FAXC: variants seen among roughly 807,000 people sequenced by gnomAD.
FAXC encodes the protein failed axon connections homolog, metaxin like GST domain containing.
A neutral mutation model predicts 41.9 loss-of-function variants in FAXC; 10 were observed. The observed-to-expected ratio is 0.24, with a 90% CI of 0.15 to 0.41. The LOEUF is 0.41. Among genes scored for constraint, FAXC ranks in the 10% least tolerant of loss-of-function variants. FAXC has a pLI of 1.00. For missense variants in FAXC, 399 were observed against 510.9 expected, an observed-to-expected ratio of 0.78 and a Z score of 2.11; for synonymous variants, 183 against 183.8, an observed-to-expected ratio of 1.00 and a Z score of 0.03.
intron 2 of FAXC, among the ~76,000 whole-genome samples, chr6:99,334,308 G>T (rs1402944499): frequency 6.6e-6 from 1 of 152,134 alleles, no homozygotes; most frequent in Non-Finnish European, 1.5e-5. Flanking sequence ...AATAACTATT[G>T]GGGATGTTAT....
intron 4 of FAXC, among the ~76,000 whole-genome samples, chr6:99,302,928 T>A (rs1347176432): frequency 1.3e-5 from 2 of 152,102 alleles, no homozygotes; most frequent in Non-Finnish European, 2.9e-5. Context: ...AACTATTAAA[T>A]CTAGGTGGTG....
chr6:99,348,352 GT>G, intron 1 of FAXC, among the ~76,000 whole-genome samples: 1 of 152,200 alleles, frequency 6.6e-6, no homozygotes. Flanking sequence ...CAAAAATCTC[GT>G]CCCGGCTGGA....
chr6:99,290,337 T>A (rs751699490), intron 5 of FAXC, among the ~76,000 whole-genome samples: 8 of 152,102 alleles, frequency 5.3e-5, no homozygotes, highest in South Asian at 2.1e-4. Context: ...CTGATAGGCC[T>A]CACATCCAAG....
At position 99,279,667 on chromosome 6, in the gene FAXC, TAAGTC is replaced by T. The variant is rs1376076151; in HGVS notation, c.*1492_*1496del. The T allele has an allele frequency of 1.3e-5, 2 of 152,044 alleles. No individual in the cohort carries two copies. Among genetic ancestry groups the T allele is most frequent in the Admixed American group, 6.6e-5 (1 of 15,264 alleles). The allele number at this position is 152,044 out of a possible 1,614,324, so 9.4% of individuals were successfully genotyped here. On this transcript the variant is annotated 3_prime_UTR_variant, in exon 6 of 6. Transcript: ENST00000389677. Reference sequence around the variant, plus strand: ...CCCCATATTTCCCTGGAAAATGTCCTAAGTCAAAACAACAACAACAACAACAACTT... The same window carrying T: ...CCCCATATTTCCCTGGAAAATGTCCTAAAACAACAACAACAACAACAACTT...
chr6:99,333,598 C>A, intron 2 of FAXC, 51 bp from the exon 3 acceptor site: 1 of 1,410,534 alleles, frequency 7.1e-7, no homozygotes, highest in Non-Finnish European at 9.7e-7. Context: ...TATTTAAATT[C>A]CACTGCATGA....
chr6:99,348,100 CCTATCA>C (rs1773662812), intron 1 of FAXC, among the ~76,000 whole-genome samples: 1 of 152,170 alleles, frequency 6.6e-6, no homozygotes, highest in African/African-American at 2.4e-5. Flanking sequence ...GTACAGGTCA[CCTATCA>C]CTGTCTTTGT....
chr6:99,289,966 G>A (rs1384643982), intron 5 of FAXC, among the ~76,000 whole-genome samples: 1 of 151,952 alleles, frequency 6.6e-6, no homozygotes, highest in Non-Finnish European at 1.5e-5. Context: ...CATATGGACA[G>A]CCCAGGAAGA....
rs1319802744 is a variant in FAXC at position 99,276,331 on chromosome 6, T to C, written c.*4833A>G. On this transcript the variant is annotated 3_prime_UTR_variant, in exon 6 of 6. Coordinates refer to ENST00000389677, the MANE Select transcript of FAXC (RefSeq NM_032511.4). ...CTTTAAGGAAGAAAAATCCAGCCTC[T>C]TCTCTCCCACCTTCAGCCCAGGCTG... 6.6e-6 allele frequency: 1 copy of C among 152,150 alleles called. No homozygotes were observed. Among genetic ancestry groups the C allele is most frequent in the East Asian group, 1.9e-4 (1 of 5,190 alleles). The allele number at this position is 152,150 out of a possible 1,614,324, so 9.4% of individuals were successfully genotyped here. A position where few individuals can be genotyped will look rare whatever the true frequency, so the allele number is the denominator to read the frequency against.
chr6:99,280,939 C>G lies in FAXC; in HGVS notation c.*225G>C. On this transcript the variant is annotated 3_prime_UTR_variant, in exon 6 of 6. Coordinates refer to ENST00000389677, the MANE Select transcript of FAXC (RefSeq NM_032511.4). Reference sequence around the variant, plus strand: ...TGAAAACAAAAATGGATTTCAGGAACCATGCTGACATTATTTTTTGCCTGT... The same window carrying G: ...TGAAAACAAAAATGGATTTCAGGAAGCATGCTGACATTATTTTTTGCCTGT... 2.1e-6 allele frequency: 1 copy of G among 481,638 alleles called. No homozygotes were observed. The highest frequency in any genetic ancestry group is 3.7e-6 in the Non-Finnish European group (1 of 269,082). The allele number at this position is 481,638 out of a possible 1,614,324, so 29.8% of individuals were successfully genotyped here.
chr6:99,283,874 T>C (rs1471431302), intron 5 of FAXC, among the ~76,000 whole-genome samples: 1 of 152,232 alleles, frequency 6.6e-6, no homozygotes. Flanking sequence ...TAGCTTTTCC[T>C]ACAGAAAATC....
At position 99,281,326 on chromosome 6, in the gene FAXC, G is replaced by A. The variant is rs1770824795; in HGVS notation, c.1068C>T (p.Thr356=). 1.2e-6 allele frequency: 2 copies of A among 1,614,126 alleles called. No individual in the cohort carries two copies. The highest frequency in any genetic ancestry group is 1.7e-6 in the Non-Finnish European group (2 of 1,179,974). The part of the protein sequence containing the change: ...EESSEGSKTH[T]PLLDFSFYSR... ...AGTAAAAGCTAAAATCCAGCAGCGG[G>A]GTGTGGGTTTTGCTGCCTTCGCTGC... is the stretch of plus-strand genomic sequence containing the variant. The change falls in exon 6 of 6, where the codon ACC becomes ACT. Residue 356 remains threonine, a synonymous_variant. Coordinates refer to ENST00000389677, the MANE Select transcript of FAXC (RefSeq NM_032511.4).
chr6:99,273,337 T>C lies in FAXC; in HGVS notation c.*7827A>G, dbSNP rs1303430332. 1 of 151,532 alleles carries C rather than the reference T, an allele frequency of 6.6e-6. No homozygotes were observed. Among genetic ancestry groups the C allele is most frequent in the Non-Finnish European group, 1.5e-5 (1 of 67,898 alleles). 9.4% of individuals were successfully genotyped at this position (151,532 alleles called of 1,614,324 possible). On this transcript the variant is annotated 3_prime_UTR_variant, in exon 6 of 6. Transcript: ENST00000389677. ...TTGAAGACACAAGATTATAAACAAA[T>C]AGAAAAAAAGACATGTAATCAGTGA...
rs1023110573 is a variant in FAXC, at chr6:99,299,656, C to A, written c.824-7836G>T. ...CAGGAGGTCACGGTAATCTCACTATCCAAGCATCAAAGAGCACACACTTAA... is the reference window on the plus strand; with the variant it reads ...CAGGAGGTCACGGTAATCTCACTATACAAGCATCAAAGAGCACACACTTAA... On this transcript the variant is annotated intron_variant, in intron 4 of 5. Coordinates refer to ENST00000389677, the MANE Select transcript of FAXC (RefSeq NM_032511.4). Among the ~76,000 whole-genome samples the A allele has an allele frequency of 1.4e-4, 21 of 152,192 alleles. 1 individual carries two copies. The highest frequency in any genetic ancestry group is 1.1e-3 in the Admixed American group (17 of 15,276).
At chr6:99,296,522 C>T (rs1771504005) in intron 4 of FAXC, among the ~76,000 whole-genome samples, 1 of 152,094 alleles carries the variant, frequency 6.6e-6, no homozygotes, top group Non-Finnish European at 1.5e-5. Context: ...ACATCAAAGC[C>T]CCGGGTGTGA....
intron 4 of FAXC, among the ~76,000 whole-genome samples, chr6:99,311,359 G>A (rs904520954): frequency 1.3e-5 from 2 of 152,106 alleles, no homozygotes; most frequent in Non-Finnish European, 2.9e-5. Context: ...GGTGGATCAC[G>A]AGGTCAGGAG....
intron 2 of FAXC, among the ~76,000 whole-genome samples, chr6:99,340,990 C>T (rs1210551236): frequency 6.6e-6 from 1 of 151,982 alleles, no homozygotes; most frequent in Non-Finnish European, 1.5e-5. Flanking sequence ...GAATTAAAAT[C>T]TTAGACAACA....
rs190122148 is a variant in FAXC, at chr6:99,279,642, C to A, written c.*1522G>T. The A allele has an allele frequency of 3.3e-4, 50 of 152,184 alleles. No individual in the cohort carries two copies. Among genetic ancestry groups the A allele is most frequent in the African/African-American group, 1.0e-3 (43 of 41,510 alleles). 9.4% of individuals were successfully genotyped at this position (152,184 alleles called of 1,614,324 possible). A position where few individuals can be genotyped will look rare whatever the true frequency, so the allele number is the denominator to read the frequency against. On this transcript the variant is annotated 3_prime_UTR_variant, in exon 6 of 6. Transcript: ENST00000389677. The stretch of plus-strand genomic sequence containing the variant: ...TCACAGCCATCACCCAGGATCTCTG[C>A]CCCATATTTCCCTGGAAAATGTCCT...
At chr6:99,306,428 G>GT (rs1404508227) in intron 4 of FAXC, among the ~76,000 whole-genome samples, 1 of 152,204 alleles carries the variant, frequency 6.6e-6, no homozygotes, top group Non-Finnish European at 1.5e-5. Context: ...ATGCTGGGTT[G>GT]TTGGGAGGAT....
intron 5 of FAXC, among the ~76,000 whole-genome samples, chr6:99,288,993 C>T (rs765788185): frequency 2.0e-5 from 3 of 152,116 alleles, no homozygotes; most frequent in Non-Finnish European, 4.4e-5. Flanking sequence ...TTCCATCCAT[C>T]CATCCATTCA....
Sources: gnomAD v4.1 joint callset for allele counts (sites outside exome capture counted in the v4.1 genomes callset) on GRCh38, gnomAD v4.1.1 for gene constraint, MANE v1.5 for transcripts, NCBI Gene and HGNC (gene_info 2026-07-23, HGNC 2026-07-21) for gene names.